Variants in SLC6A11 observed in about 807,000 individuals in gnomAD.
SLC6A11 encodes the protein solute carrier family 6 member 11.
Under a neutral mutation model 74.8 loss-of-function variants are expected in SLC6A11, and 25 were observed. That is an observed-to-expected ratio of 0.33 (90% CI 0.24 to 0.47). The LOEUF (loss-of-function observed/expected upper bound fraction) is 0.47. Among genes scored for constraint, SLC6A11 ranks in the 20% least tolerant of loss-of-function variants. SLC6A11 has a pLI of 1.00. For synonymous variants in SLC6A11, 330 were observed against 330.2 expected (o/e 1.00, Z 0.01); for missense variants, 574 against 837.0 (o/e 0.69, Z 3.88).
At chr3:10,882,285 G>C (rs546483912) in intron 6 of SLC6A11, among the ~76,000 whole-genome samples, 28 of 152,306 alleles carry the variant, frequency 1.8e-4, no homozygotes, top group African/African-American at 6.3e-4. Context: ...CTGATCAAGA[G>C]AGAGAAGTGT....
At chr3:10,856,479 G>A (rs894668042) in intron 5 of SLC6A11, among the ~76,000 whole-genome samples, 2 of 152,202 alleles carry the variant, frequency 1.3e-5, no homozygotes, top group Non-Finnish European at 2.9e-5. Flanking sequence ...ACTGTCAGGC[G>A]AGTGTTGGCA....
In SLC6A11 at chr3:10,888,152, G is replaced by A. The variant is rs907556844; in HGVS notation, c.891+13057G>A. Among the ~76,000 whole-genome samples, 15 of 152,338 alleles carry A rather than the reference G, an allele frequency of 9.8e-5. No homozygotes were observed. In the East Asian group the frequency reaches 1.2e-3, roughly 12 times the overall value. On this transcript the variant is annotated intron_variant, in intron 6 of 13. Transcript: ENST00000254488. ...TGCTCTTCATTCTCCACTGTGTGAC[G>A]TTAGGCGGAAGGCTCACCCTCTCTG...
At chr3:10,895,466 G>T (rs1695159031) in intron 6 of SLC6A11, among the ~76,000 whole-genome samples, 1 of 152,144 alleles carries the variant, frequency 6.6e-6, no homozygotes, top group African/African-American at 2.4e-5. Context: ...GATGGAGCTG[G>T]AAGCCATTAT....
chr3:10,845,448 T>C (rs1694491313), intron 5 of SLC6A11, among the ~76,000 whole-genome samples: 2 of 152,184 alleles, frequency 1.3e-5, no homozygotes, highest in Non-Finnish European at 2.9e-5. Flanking sequence ...CATCCCTCCT[T>C]GCCAGCCTCC....
At chr3:10,927,964 C>A (rs1695631309) in intron 9 of SLC6A11, among the ~76,000 whole-genome samples, 1 of 152,176 alleles carries the variant, frequency 6.6e-6, no homozygotes, top group South Asian at 2.1e-4. Flanking sequence ...AAGCCCAGCT[C>A]TGGAGCAAGA....
At chr3:10,817,748 A>C (rs900764225) in intron 1 of SLC6A11, among the ~76,000 whole-genome samples, 2 of 152,162 alleles carry the variant, frequency 1.3e-5, no homozygotes, top group Non-Finnish European at 2.9e-5. Flanking sequence ...TTCATCCTGA[A>C]GGCACAGGCT....
chr3:10,935,468 G>A lies in SLC6A11; in HGVS notation c.1746+269G>A, dbSNP rs553995156. The A allele has an allele frequency of 2.7e-5, 11 of 407,990 alleles. No homozygotes were observed. The South Asian group carries it at 3.0e-4, about 11-fold the overall frequency. 25.3% of individuals were successfully genotyped at this position (407,990 alleles called of 1,614,324 possible). ...CCACAGTACCTAACTTACAGAGGCT[G>A]TGAGAACTCAGTGAGTTCATATAGG... On this transcript the variant is annotated intron_variant, in intron 13 of 13. Coordinates refer to ENST00000254488, the MANE Select transcript of SLC6A11 (RefSeq NM_014229.3).
chr3:10,901,109 C>A lies in SLC6A11; in HGVS notation c.892-10981C>A, dbSNP rs538610813. On this transcript the variant is annotated intron_variant, in intron 6 of 13. Transcript: ENST00000254488. ...TCCTCAGGGGACAGCTTGGCCTAAA[C>A]TGTCTTTCCCTGAGTCTGCATGGAC... Among the ~76,000 whole-genome samples, 13 of 152,338 alleles carry A rather than the reference C, an allele frequency of 8.5e-5. 1 individual carries two copies. Among genetic ancestry groups the A allele is most frequent in the Admixed American group, 8.5e-4 (13 of 15,312 alleles).
intron 5 of SLC6A11, among the ~76,000 whole-genome samples, chr3:10,846,718 C>T (rs2106587244): frequency 6.6e-6 from 1 of 152,308 alleles, no homozygotes; most frequent in Non-Finnish European, 1.5e-5. Context: ...CACTTATCCA[C>T]TGCCTTCCAC....
At chr3:10,829,435 C>T (rs1575667558) in intron 4 of SLC6A11, among the ~76,000 whole-genome samples, 2 of 152,224 alleles carry the variant, frequency 1.3e-5, no homozygotes, top group Admixed American at 1.3e-4. Context: ...CCTCCTGATT[C>T]AGCATCAGAA....
chr3:10,866,580 C>A (rs540322117), intron 5 of SLC6A11, among the ~76,000 whole-genome samples: 1 of 152,200 alleles, frequency 6.6e-6, no homozygotes, highest in Non-Finnish European at 1.5e-5. Context: ...TTTTAGGCCC[C>A]ACACACGGGC....
At position 10,935,120 on chromosome 3, in the gene SLC6A11, T is replaced by C; in HGVS notation, c.1667T>C (p.Leu556Pro). The change falls in exon 13 of 14, where the codon CTC becomes CCC. Residue 556 changes from leucine to proline, a missense_variant. Physicochemically the swap from Leu to Pro is moderately conservative, Grantham distance 98. Coordinates refer to ENST00000254488, the MANE Select transcript of SLC6A11 (RefSeq NM_014229.3). ...YPAWGYGIGW[L>P]MALSSMLCIP... ...GCCTGGGGCTATGGCATTGGCTGGC[T>C]CATGGCCCTGTCCTCCATGCTCTGC... The C allele has an allele frequency of 1.2e-6, 2 of 1,614,168 alleles. No individual in the cohort carries two copies. The highest frequency in any genetic ancestry group is 2.2e-5 in the East Asian group (1 of 44,878).
chr3:10,877,776 A>ACAATGTTG, intron 6 of SLC6A11, among the ~76,000 whole-genome samples: 1 of 152,198 alleles, frequency 6.6e-6, no homozygotes, highest in Non-Finnish European at 1.5e-5. Context: ...AATGGGCCCG[A>ACAATGTTG]CTTTGGAGCA....
Position 10,912,273 on chromosome 3 carries a change from C to T in SLC6A11, c.995+80C>T, listed in dbSNP as rs1205511794. On this transcript the variant is annotated intron_variant, in intron 7 of 13. Transcript: ENST00000254488. ...ACCTGCCAGGCTAGTTTATGTTTGT[C>T]TGCCCACCTTGCAGGGCCCCAGGAG... 4 of 971,376 alleles carry T rather than the reference C, an allele frequency of 4.1e-6. No individual in the cohort carries two copies. In the African/African-American group the frequency reaches 6.4e-5, roughly 16 times the overall value. 60.2% of individuals were successfully genotyped at this position (971,376 alleles called of 1,614,324 possible). A position where few individuals can be genotyped will look rare whatever the true frequency, so the allele number is the denominator to read the frequency against.
In SLC6A11 at chr3:10,938,131, C is replaced by T. The variant is rs1217261542; in HGVS notation, c.1747-119C>T. 10 of 974,536 alleles carry T rather than the reference C, an allele frequency of 1.0e-5. No individual in the cohort carries two copies. The East Asian group carries it at 2.5e-4, about 24-fold the overall frequency. 60.4% of individuals were successfully genotyped at this position (974,536 alleles called of 1,614,324 possible). A position where few individuals can be genotyped will look rare whatever the true frequency, so the allele number is the denominator to read the frequency against. The stretch of plus-strand genomic sequence containing the variant: ...GTAAGGGGCCAAGCTGGGGCCCGGA[C>T]CTTGGTCTGAGAATTCTCCAGCACC... On this transcript the variant is annotated intron_variant, in intron 13 of 13. Coordinates refer to ENST00000254488, the MANE Select transcript of SLC6A11 (RefSeq NM_014229.3).
chr3:10,934,293 A>G, intron 12 of SLC6A11, 127 bp downstream of exon 12: 2 of 652,142 alleles, frequency 3.1e-6, no homozygotes, highest in East Asian at 2.7e-5. Context: ...CCCCTGGTTC[A>G]GGCCACCTTA....
intron 3 of SLC6A11, 78 bp downstream of exon 3, chr3:10,819,930 G>T (rs1694116278): frequency 2.0e-6 from 3 of 1,498,220 alleles, no homozygotes; most frequent in Non-Finnish European, 2.7e-6. Flanking sequence ...CTTCAGGCCA[G>T]TCCTGGTCCC....
chr3:10,824,489 C>G (rs931555343), intron 4 of SLC6A11: 3 of 152,212 alleles, frequency 2.0e-5, no homozygotes, highest in African/African-American at 7.2e-5. Flanking sequence ...ATTTACCACT[C>G]TCATATAAAT....
chr3:10,857,701 G>A (rs1694654995), intron 5 of SLC6A11, among the ~76,000 whole-genome samples: 1 of 152,108 alleles, frequency 6.6e-6, no homozygotes, highest in Non-Finnish European at 1.5e-5. Flanking sequence ...TTGGTGCCAG[G>A]GCTTTTACAA....
Sources: allele counts gnomAD v4.1 joint callset (sites outside exome capture counted in the v4.1 genomes callset), GRCh38; gene constraint gnomAD v4.1.1; transcripts MANE v1.5; gene names NCBI Gene and HGNC (gene_info 2026-07-23, HGNC 2026-07-21).